The following CALCOCO1 variants were observed in gnomAD, a reference collection of about 807,000 sequenced individuals.
CALCOCO1 encodes the protein calcium binding and coiled-coil domain 1.
CALCOCO1 carries 44 observed loss-of-function variants against 86.3 expected under a neutral mutation model. That is an observed-to-expected ratio of 0.51 (90% confidence interval 0.40 to 0.66). The LOEUF (loss-of-function observed/expected upper bound fraction) is 0.66, where lower values mean the gene tolerates loss of function less well. Ranked by LOEUF, CALCOCO1 falls within the 30% of genes least tolerant of loss-of-function variation. The pLI, the probability that CALCOCO1 is intolerant of heterozygous loss-of-function variation, is 0.00. For missense variants in CALCOCO1, 708 were observed against 851.1 expected (o/e 0.83, Z 2.09); for synonymous variants, 297 against 327.6 (o/e 0.91, Z 1.01).
chr12:53,720,614 G>A (rs1030233019), intron 6 of CALCOCO1, among the ~76,000 whole-genome samples: 2 of 152,178 alleles, frequency 1.3e-5, no homozygotes, highest in Admixed American at 6.6e-5. Context: ...TCCTGAAGAA[G>A]CCTCTCAGAC....
chr12:53,726,958 G>C (rs1340290900), intron 1 of CALCOCO1, among the ~76,000 whole-genome samples: 1 of 152,178 alleles, frequency 6.6e-6, no homozygotes, highest in East Asian at 1.9e-4. Context: ...ATGGGGCGGA[G>C]AGCGGGTGTC....
Position 53,722,085 on chromosome 12 carries a change from C to A in CALCOCO1, c.549G>T (p.Glu183Asp), listed in dbSNP as rs1340505147. The change falls in exon 5 of 15, where the codon GAG (glutamate) becomes GAT (aspartate). Residue 183 changes from glutamate (E) to aspartate (D), a missense_variant. Coordinates refer to ENST00000550804, the MANE Select transcript of CALCOCO1 (RefSeq NM_020898.3). ...TGGCAGTTGCCAGAGCCCTCTCGAG[C>A]TCCTGCACTCGGCTCCTCAGCTCTG... ...QVTELRSRVQ[E>D]LERALATARQ... is the part of the protein sequence containing the mutation. 1.9e-6 allele frequency: 3 copies of A among 1,613,974 alleles called. No homozygotes were observed. The highest frequency in any genetic ancestry group is 3.3e-5 in the Admixed American group (2 of 60,030).
rs1278343682 is a variant in CALCOCO1, at chr12:53,708,613, C to T, written c.*3331G>A. The T allele has an allele frequency of 2.0e-4, 30 of 152,022 alleles. No homozygotes were observed. The highest frequency in any genetic ancestry group is 2.0e-3 in the Admixed American group (30 of 15,250). 9.4% of individuals were successfully genotyped at this position (152,022 alleles called of 1,614,324 possible). ...CATATATTATTTTGTATGTATAAAA[C>T]ATTTCATTAAAATAACTTAAAGATT... On this transcript the variant is annotated 3_prime_UTR_variant, in exon 15 of 15. Coordinates refer to ENST00000550804, the MANE Select transcript of CALCOCO1 (RefSeq NM_020898.3).
chr12:53,716,305 C>G lies in CALCOCO1; in HGVS notation c.960G>C (p.Lys320Asn). 6.2e-7 allele frequency: 1 copy of G among 1,614,224 alleles called. No individual in the cohort carries two copies. Among genetic ancestry groups the G allele is most frequent in the South Asian group, 1.1e-5 (1 of 91,088 alleles). Residue 320 changes from lysine to asparagine, a missense_variant, in exon 8 of 15, where the codon AAG (lysine) becomes AAC (asparagine). By Grantham distance (94) the Lys-to-Asn change is moderately conservative (BLOSUM62 0). Transcript: ENST00000550804. ...CTAGGGTGTCCTTCATCTGGGCCAC[C>G]TTGTCTTTCAGTCGCTGAGCCTGAG... is the stretch of plus-strand genomic sequence containing the variant. ...QSAQAQRLKD[K>N]VAQMKDTLGQ...
rs182052626 is a variant in CALCOCO1 at position 53,723,247 on chromosome 12, G to T, written c.450+346C>A. Among the ~76,000 whole-genome samples the T allele has an allele frequency of 7.9e-5, 12 of 152,314 alleles. No homozygotes were observed. The East Asian group carries it at 2.1e-3, about 27-fold the overall frequency. The stretch of plus-strand genomic sequence containing the variant: ...TCACTCCCCACTCGTCCTAGAAGCA[G>T]GTCCTGTGCTCCCCTTTCTCTGAAT... On this transcript the variant is annotated intron_variant, in intron 4 of 14. Transcript: ENST00000550804.
chr12:53,710,902 C>T lies in CALCOCO1; in HGVS notation c.*1042G>A, dbSNP rs76745218. On this transcript the variant is annotated 3_prime_UTR_variant, in exon 15 of 15. Coordinates refer to ENST00000550804, the MANE Select transcript of CALCOCO1 (RefSeq NM_020898.3). Reference sequence around the variant, plus strand: ...ATGAGTTTGCTCCCTCCCCAACTGCCGCATTATCCAAGCCAGACTCCCACT... The same window carrying T: ...ATGAGTTTGCTCCCTCCCCAACTGCTGCATTATCCAAGCCAGACTCCCACT... 0.12 allele frequency: 25,382 copies of T among 216,718 alleles called. 1,816 individuals are homozygous for T. The highest frequency in any genetic ancestry group is 0.16 in the Non-Finnish European group (17,862 of 111,054). The allele number at this position is 216,718 out of a possible 1,614,324, so 13.4% of individuals were successfully genotyped here.
At chr12:53,723,320 T>C (rs1239669683) in intron 4 of CALCOCO1, among the ~76,000 whole-genome samples, 1 of 152,158 alleles carries the variant, frequency 6.6e-6, no homozygotes, top group African/African-American at 2.4e-5. Context: ...CTCTAGGGCA[T>C]AGGGCAGGAT....
chr12:53,715,028 G>A (rs1012189750), intron 10 of CALCOCO1, among the ~76,000 whole-genome samples, 172 bp downstream of exon 10: 6 of 152,116 alleles, frequency 3.9e-5, no homozygotes, highest in Admixed American at 3.3e-4. Context: ...TGCCCTGAGA[G>A]CAGAAAAAAA....
At position 53,711,673 on chromosome 12, in the gene CALCOCO1, T is replaced by C. The variant is rs1945554894; in HGVS notation, c.*271A>G. ...GATTCTATTCCCACAGGGGAAGGCCTCCTCCATCCCGGTTCCTCCAAAACC... is the reference window on the plus strand; with the variant it reads ...GATTCTATTCCCACAGGGGAAGGCCCCCTCCATCCCGGTTCCTCCAAAACC... On this transcript the variant is annotated 3_prime_UTR_variant, in exon 15 of 15. Coordinates refer to ENST00000550804, the MANE Select transcript of CALCOCO1 (RefSeq NM_020898.3). The C allele has an allele frequency of 8.2e-6, 3 of 367,146 alleles. No individual in the cohort carries two copies. The highest frequency in any genetic ancestry group is 6.6e-5 in the South Asian group (1 of 15,126). 22.7% of individuals were successfully genotyped at this position (367,146 alleles called of 1,614,324 possible).
Position 53,715,780 on chromosome 12 carries a change from C to T in CALCOCO1, c.1260+13G>A. The stretch of plus-strand genomic sequence containing the variant: ...GTGGCCATCAGATTGCCAGGTACCC[C>T]CCATCCCTCTACCTCCACACTCTGC... On this transcript the variant is annotated intron_variant, in intron 9 of 14. Transcript: ENST00000550804. 2 of 1,609,828 alleles carry T rather than the reference C, an allele frequency of 1.2e-6. No homozygotes were observed. Among genetic ancestry groups the T allele is most frequent in the East Asian group, 2.2e-5 (1 of 44,858 alleles).
intron 6 of CALCOCO1, among the ~76,000 whole-genome samples, chr12:53,720,649 T>C (rs1206650616): frequency 4.6e-5 from 7 of 152,236 alleles, no homozygotes; most frequent in African/African-American, 1.7e-4. Context: ...CTTTGGGCCT[T>C]GGATAGAATG....
In CALCOCO1 at chr12:53,716,350, G is replaced by A. The variant is rs1403196565; in HGVS notation, c.915C>T (p.Ser305=). ...CCTGAGCACTCTGCTCCTCTTGCCA[G>A]CTCTTCGCCTCCTTCAGGTCCAAAT... The part of the protein sequence containing the change: ...HLNLDLKEAK[S]WQEEQSAQAQ... Residue 305 remains serine (S), a synonymous_variant, in exon 8 of 15, where the codon AGC becomes AGT. Transcript: ENST00000550804. 3.7e-6 allele frequency: 6 copies of A among 1,614,208 alleles called. No homozygotes were observed. The highest frequency in any genetic ancestry group is 5.1e-6 in the Non-Finnish European group (6 of 1,180,040).
chr12:53,711,520 G>A lies in CALCOCO1; in HGVS notation c.*424C>T, dbSNP rs186697244. 1.9e-5 allele frequency: 6 copies of A among 323,942 alleles called. No homozygotes were observed. Among genetic ancestry groups the A allele is most frequent in the Admixed American group, 4.9e-5 (1 of 20,400 alleles). The allele number at this position is 323,942 out of a possible 1,614,324, so 20.1% of individuals were successfully genotyped here. On this transcript the variant is annotated 3_prime_UTR_variant, in exon 15 of 15. Coordinates refer to ENST00000550804, the MANE Select transcript of CALCOCO1 (RefSeq NM_020898.3). ...CCAGAGAAAACTCAGGTAAACCAAC[G>A]GAAACTCCAAATAAGAGAGGGTAGG... is the stretch of plus-strand genomic sequence containing the variant.
intron 3 of CALCOCO1, chr12:53,724,339 TC>T: frequency 7.6e-6 from 3 of 396,034 alleles, no homozygotes; most frequent in South Asian, 6.6e-5. Flanking sequence ...TGAACCCAGG[TC>T]TTTCCCTCTT....
chr12:53,713,894 G>A lies in CALCOCO1; in HGVS notation c.1598C>T (p.Pro533Leu), dbSNP rs369102896. 2 of 1,524,038 alleles carry A rather than the reference G, an allele frequency of 1.3e-6. No individual in the cohort carries two copies. Among genetic ancestry groups the A allele is most frequent in the Non-Finnish European group, 1.8e-6 (2 of 1,135,958 alleles). 94.4% of individuals were successfully genotyped at this position (1,524,038 alleles called of 1,614,324 possible). A position where few individuals can be genotyped will look rare whatever the true frequency, so the allele number is the denominator to read the frequency against. Residue 533 changes from proline (P) to leucine (L), a missense_variant, in exon 13 of 15, where the codon CCG becomes CTG. Transcript: ENST00000550804. ...GTCCTCTGAGTCTGTCAGAGCTGCC[G>A]GGCAGCCTGTAGGAGATGAAGCAGG... ...DEEAAVGLSC[P>L]AALTDSEDES...
In CALCOCO1 at chr12:53,711,890, G is replaced by C; in HGVS notation, c.*54C>G. The C allele has an allele frequency of 7.0e-7, 1 of 1,435,770 alleles. No individual in the cohort carries two copies. Among genetic ancestry groups the C allele is most frequent in the Non-Finnish European group, 9.3e-7 (1 of 1,072,574 alleles). The allele number at this position is 1,435,770 out of a possible 1,614,324, so 88.9% of individuals were successfully genotyped here. ...GCATGAAACCTAAGTGTATGCATGT[G>C]TGTGAGTGTGTGTGTGCATGAGTGT... is the stretch of plus-strand genomic sequence containing the variant. On this transcript the variant is annotated 3_prime_UTR_variant, in exon 15 of 15. Transcript: ENST00000550804.
chr12:53,717,608 G>A (rs368339665), intron 7 of CALCOCO1, among the ~76,000 whole-genome samples: 39 of 152,200 alleles, frequency 2.6e-4, no homozygotes, highest in African/African-American at 9.2e-4. Flanking sequence ...TCACTGCTGA[G>A]CAAAGGGTTT....
At position 53,712,136 on chromosome 12, in the gene CALCOCO1, G is replaced by A. The variant is rs1163963244; in HGVS notation, c.1899-15C>T. 1.9e-6 allele frequency: 3 copies of A among 1,584,970 alleles called. No individual in the cohort carries two copies. Among genetic ancestry groups the A allele is most frequent in the Non-Finnish European group, 2.6e-6 (3 of 1,164,256 alleles). ...CTGTAAAGCCACTAAGAGAGACAGA[G>A]GGGAAAGGGAGAGGGTCGGCGTGCT... On this transcript the variant is annotated splice_polypyrimidine_tract_variant and intron_variant, in intron 14 of 14. Coordinates refer to ENST00000550804, the MANE Select transcript of CALCOCO1 (RefSeq NM_020898.3).
intron 14 of CALCOCO1, 150 bp downstream of exon 14, chr12:53,712,950 T>C: frequency 7.9e-7 from 1 of 1,266,028 alleles, no homozygotes; most frequent in Non-Finnish European, 1.1e-6. Flanking sequence ...CAGTGAGTCA[T>C]TTTCCTTGTT....
Sources: allele counts gnomAD v4.1 joint callset (sites outside exome capture counted in the v4.1 genomes callset), GRCh38; gene constraint gnomAD v4.1.1; transcripts MANE v1.5; gene names NCBI Gene and HGNC (gene_info 2026-07-23, HGNC 2026-07-21).